CLTCL1: variants seen among roughly 807,000 people sequenced by gnomAD.
CLTCL1 encodes clathrin heavy chain 2.
In CLTCL1, 159 loss-of-function variants were observed where a neutral mutation model predicts 190.0. The observed-to-expected ratio is 0.84, with a 90% CI of 0.74 to 0.95. The LOEUF is 0.95. Among genes scored for constraint, CLTCL1 ranks in the 40% least tolerant of loss-of-function variants. The pLI is 0.00. For synonymous variants in CLTCL1, 752 were observed against 769.6 expected (o/e 0.98, Z 0.38); for missense variants, 1,878 against 2,033.4 (o/e 0.92, Z 1.47).
At chr22:19,207,075 G>A (rs1241949484) in intron 22 of CLTCL1, among the ~76,000 whole-genome samples, 6 of 139,358 alleles carry the variant, frequency 4.3e-5, no homozygotes, top group Non-Finnish European at 7.5e-5. Context: ...GGAGTGTAGT[G>A]GTGCTATCTC....
At chr22:19,192,061 A>G (rs1260863299) in intron 26 of CLTCL1, among the ~76,000 whole-genome samples, 1 of 122,680 alleles carries the variant, frequency 8.2e-6, no homozygotes, top group African/African-American at 2.9e-5. Context: ...GGGCGATGTC[A>G]TCTTTTTTTT....
chr22:19,276,894 A>C (rs561330683), intron 1 of CLTCL1, among the ~76,000 whole-genome samples: 105 of 151,966 alleles, frequency 6.9e-4, no homozygotes, highest in African/African-American at 2.5e-3. Context: ...GGATGGTCTC[A>C]ATCTCCTGAC....
intron 2 of CLTCL1, among the ~76,000 whole-genome samples, chr22:19,268,460 C>T (rs1348457345): frequency 6.6e-6 from 1 of 152,000 alleles, no homozygotes; most frequent in African/African-American, 2.4e-5. Flanking sequence ...AGCTGATAAA[C>T]TATGTATATC....
chr22:19,269,086 CAAA>C (rs1276597870), intron 2 of CLTCL1, among the ~76,000 whole-genome samples: 2 of 62,914 alleles, frequency 3.2e-5, no homozygotes, highest in Non-Finnish European at 6.5e-5. Flanking sequence ...CAAGACTCCT[CAAA>C]AAAAAAAAAA....
At chr22:19,181,055 G>A (rs1305354389) in intron 30 of CLTCL1, 5 of 549,170 alleles carry the variant, frequency 9.1e-6, no homozygotes, top group Non-Finnish European at 9.8e-6. Flanking sequence ...GAGCTTCCCA[G>A]TGGGCACTGG....
chr22:19,258,377 C>A, intron 2 of CLTCL1: 1 of 420,830 alleles, frequency 2.4e-6, no homozygotes. Context: ...CGCAGTCCAC[C>A]GAGATCAGAG....
intron 19 of CLTCL1, among the ~76,000 whole-genome samples, chr22:19,210,798 T>C (rs149282658): frequency 2.1e-3 from 322 of 152,320 alleles, no homozygotes; most frequent in African/African-American, 7.4e-3. Flanking sequence ...GATCCTGCTG[T>C]AGAGGTACCT....
At chr22:19,253,471 G>A (rs1464130774) in intron 3 of CLTCL1, among the ~76,000 whole-genome samples, 2 of 152,130 alleles carry the variant, frequency 1.3e-5, no homozygotes, top group South Asian at 2.1e-4. Flanking sequence ...TCGTCTTCCC[G>A]AAGGACTACT....
At chr22:19,287,108 T>A (rs1024585309) in intron 1 of CLTCL1, among the ~76,000 whole-genome samples, 1 of 152,182 alleles carries the variant, frequency 6.6e-6, no homozygotes, top group Non-Finnish European at 1.5e-5. Context: ...CCATTCCTCT[T>A]CTGAATCAAG....
rs150630522 is a variant in CLTCL1 at position 19,228,888 on chromosome 22, C to T, written c.1782+950G>A. 1.1e-3 allele frequency among the ~76,000 whole-genome samples: 169 copies of T among 152,272 alleles called. 5 individuals carry two copies. The East Asian group carries it at 0.029, about 26-fold the overall frequency. On this transcript the variant is annotated intron_variant, in intron 11 of 32. Transcript: ENST00000427926. ...CTCACCACAGTGAGATACCACTGCA[C>T]GCCCATTAAGATGGTGATTACTATT...
rs782123668 is a variant in CLTCL1, at chr22:19,234,563, G to A, written c.1113C>T (p.Leu371=). The change falls in exon 7 of 33, where the codon CTC becomes CTT. Residue 371 remains leucine (L), a synonymous_variant. Coordinates refer to ENST00000427926, the MANE Select transcript of CLTCL1 (RefSeq NM_007098.4). Reference sequence around the variant, plus strand: ...CTTCAGCATAGCTGCCCTGTGCAAAGAGGGTATTGAATTTTCTCACAAACA... The same window carrying A: ...CTTCAGCATAGCTGCCCTGTGCAAAAAGGGTATTGAATTTTCTCACAAACA... ...EKLFVRKFNT[L]FAQGSYAEAA... is the part of the protein sequence containing the mutation. The A allele has an allele frequency of 6.2e-7, 1 of 1,614,034 alleles. No individual in the cohort carries two copies. Among genetic ancestry groups the A allele is most frequent in the Non-Finnish European group, 8.5e-7 (1 of 1,179,894 alleles).
At position 19,235,621 on chromosome 22, in the gene CLTCL1, A is replaced by G; in HGVS notation, c.969+75T>C. 2.1e-6 allele frequency: 3 copies of G among 1,419,620 alleles called. No individual in the cohort carries two copies. The Admixed American group carries it at 6.1e-5, about 29-fold the overall frequency. The allele number at this position is 1,419,620 out of a possible 1,614,324, so 87.9% of individuals were successfully genotyped here. A position where few individuals can be genotyped will look rare whatever the true frequency, so the allele number is the denominator to read the frequency against. On this transcript the variant is annotated intron_variant, in intron 6 of 32. Transcript: ENST00000427926. ...AATAGCTACACCCAGCTGCTTTCCT[A>G]GAGAAGGGGGAAAGTTTAAACGCCA...
chr22:19,270,445 T>C (rs2087272405), intron 2 of CLTCL1, among the ~76,000 whole-genome samples: 1 of 151,610 alleles, frequency 6.6e-6, no homozygotes, highest in Non-Finnish European at 1.5e-5. Flanking sequence ...GAGTGAATGT[T>C]GGTCGGGCAC....
At chr22:19,222,867 TCGG>T in intron 14 of CLTCL1, 58 bp from the exon 15 acceptor site, 1 of 1,554,794 alleles carries the variant, frequency 6.4e-7, no homozygotes, top group Non-Finnish European at 8.7e-7. Flanking sequence ...CAGCCAGACC[TCGG>T]ACTCATTGCA....
At chr22:19,208,517 CCA>C (rs782493182) in intron 21 of CLTCL1, among the ~76,000 whole-genome samples, 10 of 152,186 alleles carry the variant, frequency 6.6e-5, no homozygotes, top group South Asian at 6.2e-4. Context: ...AGGGGCAGAG[CCA>C]CACTCAGGCC....
intron 2 of CLTCL1, among the ~76,000 whole-genome samples, chr22:19,260,858 G>GTGA (rs1261823614): frequency 6.7e-6 from 1 of 149,208 alleles, no homozygotes; most frequent in African/African-American, 2.5e-5. Flanking sequence ...AACAAGAGTC[G>GTGA]TGATGATAGT....
rs141239025 is a variant in CLTCL1, at chr22:19,250,919, A to G, written c.519+3040T>C. 1.9e-3 allele frequency among the ~76,000 whole-genome samples: 282 copies of G among 152,266 alleles called. 1 individual carries two copies. Among genetic ancestry groups the G allele is most frequent in the Admixed American group, 4.6e-3 (71 of 15,290 alleles). ...TAAAATTGGGAAGTATAAGTACTCC[A>G]ACTTTTTATTTGTTTTATGGTTGTT... On this transcript the variant is annotated intron_variant, in intron 3 of 32. Coordinates refer to ENST00000427926, the MANE Select transcript of CLTCL1 (RefSeq NM_007098.4).
In CLTCL1 at chr22:19,196,335, A is replaced by G. The variant is rs782718897; in HGVS notation, c.4122T>C (p.Ala1374=). 1.9e-6 allele frequency: 3 copies of G among 1,614,028 alleles called. No homozygotes were observed. Among genetic ancestry groups the G allele is most frequent in the Non-Finnish European group, 2.5e-6 (3 of 1,179,886 alleles). Residue 1374 remains alanine, a synonymous_variant, in exon 26 of 33, where the codon GCT becomes GCC. Coordinates refer to ENST00000427926, the MANE Select transcript of CLTCL1 (RefSeq NM_007098.4). ...LYDKYEEYDN[A]VLTMMSHPTE... ...TGGGGTGGCTCATCATGGTGAGCAC[A>G]GCATTGTCATACTCCTCGTACTTGT...
intron 5 of CLTCL1, among the ~76,000 whole-genome samples, chr22:19,237,690 C>G (rs2086122129): frequency 6.6e-6 from 1 of 152,172 alleles, no homozygotes; most frequent in African/African-American, 2.4e-5. Context: ...ACAGATGACA[C>G]AGACAATAAA....
Sources: gnomAD v4.1 joint callset for allele counts (sites outside exome capture counted in the v4.1 genomes callset) on GRCh38, gnomAD v4.1.1 for gene constraint, MANE v1.5 for transcripts, NCBI Gene and HGNC (gene_info 2026-07-23, HGNC 2026-07-21) for gene names.